Variants in GSDMC observed in about 807,000 individuals in gnomAD.
The protein encoded by GSDMC is gasdermin-C.
Under a neutral mutation model 58.0 loss-of-function variants are expected in GSDMC, and 59 were observed. The observed-to-expected ratio is 1.02, with a 90% CI of 0.82 to 1.26. The LOEUF is 1.26. Ranked by LOEUF, GSDMC falls within the 50% of genes most tolerant of loss-of-function variation. The pLI, the probability that GSDMC is intolerant of heterozygous loss-of-function variation, is 0.00. For missense variants in GSDMC, 659 were observed against 598.5 expected (o/e 1.10, Z -1.06); for synonymous variants, 241 against 220.2 (o/e 1.09, Z -0.83).
At chr8:129,737,322 T>C in the GSDMC span, among the ~76,000 whole-genome samples, 5 of 152,220 alleles carry the variant, frequency 3.3e-5, no homozygotes, top group Non-Finnish European at 4.4e-5. Context: ...AAAAAGAGCC[T>C]GCATTGCCAA....
chr8:129,768,752 AAG>A (rs1451411667), intron 3 of GSDMC, among the ~76,000 whole-genome samples: 2 of 152,186 alleles, frequency 1.3e-5, no homozygotes, highest in Non-Finnish European at 2.9e-5. Flanking sequence ...CCAGAAACAT[AAG>A]AGAGTGAGAA....
intron 4 of GSDMC, 139 bp downstream of exon 4, chr8:129,765,489 T>C: frequency 5.7e-6 from 4 of 703,100 alleles, no homozygotes; most frequent in Non-Finnish European, 1.0e-5. Flanking sequence ...TACATCAACA[T>C]GTAAGAAGGG....
At chr8:129,725,821 G>T in the GSDMC span, among the ~76,000 whole-genome samples, 1 of 152,182 alleles carries the variant, frequency 6.6e-6, no homozygotes, top group East Asian at 1.9e-4. Flanking sequence ...AGGTTGCAAA[G>T]TTAGGGATCG....
At chr8:129,761,944 G>A (rs1329834779) in intron 5 of GSDMC, among the ~76,000 whole-genome samples, 1 of 152,158 alleles carries the variant, frequency 6.6e-6, no homozygotes. Context: ...AGAAGGAGGA[G>A]CTGAACTCGA....
At position 129,777,480 on chromosome 8, in the gene GSDMC, A is replaced by C. The variant is rs760862584; in HGVS notation, c.108T>G (p.Phe36Leu). The change falls in exon 2 of 14, where the codon TTT (phenylalanine) becomes TTG (leucine). Residue 36 changes from phenylalanine (F) to leucine (L), a missense_variant. Transcript: ENST00000276708. ...AATCCTTCTTCTTTCGTAATATAACAAACTGACGTAATTTGGTGGCACTCA... is the reference window on the plus strand; with the variant it reads ...AATCCTTCTTCTTTCGTAATATAACCAACTGACGTAATTTGGTGGCACTCA... ...YLLSATKLRQ[F>L]VILRKKKDSR... 4.3e-6 allele frequency: 7 copies of C among 1,612,994 alleles called. No individual in the cohort carries two copies. The South Asian group carries it at 6.6e-5, about 15-fold the overall frequency.
the GSDMC span, among the ~76,000 whole-genome samples, chr8:129,731,877 C>T: frequency 6.6e-6 from 1 of 152,276 alleles, no homozygotes; most frequent in East Asian, 1.9e-4. Context: ...CACATTGACA[C>T]CTAAAATTAA....
chr8:129,720,155 G>A, the GSDMC span, among the ~76,000 whole-genome samples: 1 of 152,200 alleles, frequency 6.6e-6, no homozygotes, highest in Non-Finnish European at 1.5e-5. Flanking sequence ...AGGATCCAGA[G>A]TAGAAGCCCT....
At chr8:129,760,431 G>A in intron 6 of GSDMC, 114 bp downstream of exon 6, 1 of 584,078 alleles carries the variant, frequency 1.7e-6, no homozygotes, top group Non-Finnish European at 3.0e-6. Flanking sequence ...TCCATTATGT[G>A]ATTATTACAC....
intron 11 of GSDMC, 144 bp downstream of exon 11, chr8:129,750,287 G>T: frequency 9.6e-7 from 1 of 1,046,056 alleles, no homozygotes; most frequent in Non-Finnish European, 1.4e-6. Context: ...CTGGCCCATT[G>T]TGCCCGGCAC....
the GSDMC span, among the ~76,000 whole-genome samples, chr8:129,707,820 T>C: frequency 7.2e-5 from 11 of 152,356 alleles, no homozygotes; most frequent in Admixed American, 6.5e-4. Flanking sequence ...GGTTGACTAA[T>C]ACAAGGAAAT....
chr8:129,756,307 A>G (rs1167228757), intron 6 of GSDMC, among the ~76,000 whole-genome samples: 1 of 152,116 alleles, frequency 6.6e-6, no homozygotes, highest in Non-Finnish European at 1.5e-5. Flanking sequence ...ACAACATGAT[A>G]TAATGATGGT....
intron 3 of GSDMC, among the ~76,000 whole-genome samples, chr8:129,767,194 C>A (rs745379855): frequency 6.6e-6 from 1 of 152,248 alleles, no homozygotes; most frequent in Admixed American, 6.5e-5. Flanking sequence ...AGCCAGCAAC[C>A]CTGCCTAACT....
the GSDMC span, among the ~76,000 whole-genome samples, chr8:129,709,575 TGATA>T: frequency 1.4e-4 from 21 of 148,742 alleles, no homozygotes; most frequent in South Asian, 8.6e-4. Flanking sequence ...AGATGATAGA[TGATA>T]GATAGATAGA....
intron 3 of GSDMC, among the ~76,000 whole-genome samples, chr8:129,771,713 C>T (rs1016432795): frequency 1.3e-5 from 2 of 149,428 alleles, no homozygotes; most frequent in South Asian, 2.1e-4. Flanking sequence ...ATAACAATGG[C>T]ACAAAACTAG....
chr8:129,712,192 G>A, the GSDMC span, among the ~76,000 whole-genome samples: 3 of 152,204 alleles, frequency 2.0e-5, no homozygotes, highest in East Asian at 1.9e-4. Flanking sequence ...ATAGCAAAGT[G>A]TCTAACATGT....
At chr8:129,731,463 G>A in the GSDMC span, among the ~76,000 whole-genome samples, 8 of 152,190 alleles carry the variant, frequency 5.3e-5, no homozygotes, top group Admixed American at 2.0e-4. Context: ...TGTTTGTCAA[G>A]GTTCTCCAGA....
At chr8:129,742,788 A>G in the GSDMC span, among the ~76,000 whole-genome samples, 1 of 152,092 alleles carries the variant, frequency 6.6e-6, no homozygotes, top group Admixed American at 6.5e-5. Context: ...TATTTCATAT[A>G]TTTTGTGGGT....
At chr8:129,718,100 G>C in the GSDMC span, among the ~76,000 whole-genome samples, 1 of 152,054 alleles carries the variant, frequency 6.6e-6, no homozygotes, top group Non-Finnish European at 1.5e-5. Context: ...TACTATTCAA[G>C]ACATAGGCAT....
chr8:129,784,264 C>A (rs2034494839), intron 1 of GSDMC, among the ~76,000 whole-genome samples: 1 of 152,098 alleles, frequency 6.6e-6, no homozygotes, highest in Non-Finnish European at 1.5e-5. Flanking sequence ...AGTTACAAAG[C>A]TTCCCTCCAG....
Sources: gnomAD v4.1 joint callset for allele counts (sites outside exome capture counted in the v4.1 genomes callset) on GRCh38, gnomAD v4.1.1 for gene constraint, MANE v1.5 for transcripts, NCBI Gene and HGNC (gene_info 2026-07-23, HGNC 2026-07-21) for gene names.